The following NFAT5 variants were observed in gnomAD, a reference collection of about 807,000 sequenced individuals.
NFAT5 encodes nuclear factor of activated T-cells 5.
Under a neutral mutation model 166.5 loss-of-function variants are expected in NFAT5, and 31 were observed. That is an observed-to-expected ratio of 0.19 (90% CI 0.14 to 0.25). NFAT5 has a LOEUF of 0.25. Among genes scored for constraint, NFAT5 ranks in the 10% least tolerant of loss-of-function variants. The probability of loss-of-function intolerance (pLI) is 1.00; values close to 1 mark genes in which losing one functional copy is unlikely to be tolerated. For missense variants in NFAT5, 1,449 were observed against 1,821.8 expected (o/e 0.80, Z 3.72); for synonymous variants, 612 against 639.7 (o/e 0.96, Z 0.65).
intron 2 of NFAT5, among the ~76,000 whole-genome samples, chr16:69,596,637 G>C (rs1463389109): frequency 1.3e-5 from 2 of 151,036 alleles, no homozygotes; most frequent in Non-Finnish European, 1.5e-5. Flanking sequence ...AGAATCGCTT[G>C]AACCCGGGAG....
chr16:69,595,866 C>A (rs1031533317), intron 2 of NFAT5, among the ~76,000 whole-genome samples: 3 of 152,024 alleles, frequency 2.0e-5, no homozygotes, highest in Admixed American at 6.6e-5. Context: ...TCTGATAATC[C>A]ATATGGTTAC....
intron 4 of NFAT5, chr16:69,649,548 G>T (rs1168072359): frequency 2.0e-6 from 2 of 984,074 alleles, no homozygotes; most frequent in Non-Finnish European, 2.4e-6. Context: ...TCAAGCAGAA[G>T]AAATGTCCAG....
intron 9 of NFAT5, among the ~76,000 whole-genome samples, chr16:69,674,912 C>T (rs953110067): frequency 5.3e-5 from 8 of 152,172 alleles, no homozygotes; most frequent in African/African-American, 1.7e-4. Context: ...TCCCAAAGAG[C>T]ATTATACCTG....
In NFAT5 at chr16:69,697,954, T is replaced by G. The variant is rs202129734; in HGVS notation, c.*1603T>G. Reference sequence around the variant, plus strand: ...CTTTTCTGTTCTTTTTTTTTTTTTTTTTCTATCCTGTACATTTAGTTGAAC... The same window carrying G: ...CTTTTCTGTTCTTTTTTTTTTTTTTGTTCTATCCTGTACATTTAGTTGAAC... On this transcript the variant is annotated 3_prime_UTR_variant, in exon 15 of 15. Coordinates refer to ENST00000349945, the MANE Select transcript of NFAT5 (RefSeq NM_138713.4). 6.6e-6 allele frequency: 1 copy of G among 151,902 alleles called. No individual in the cohort carries two copies. Among genetic ancestry groups the G allele is most frequent in the Non-Finnish European group, 1.5e-5 (1 of 67,934 alleles). The allele number at this position is 151,902 out of a possible 1,614,324, so 9.4% of individuals were successfully genotyped here.
intron 14 of NFAT5, chr16:69,695,749 T>C (rs941631142): frequency 1.8e-5 from 3 of 165,642 alleles, no homozygotes; most frequent in Non-Finnish European, 3.9e-5. Flanking sequence ...TCCAAAATGC[T>C]CTGAAATCCG....
intron 3 of NFAT5, chr16:69,632,357 T>C (rs2034756939): frequency 6.6e-6 from 1 of 152,202 alleles, no homozygotes; most frequent in Non-Finnish European, 1.5e-5. Flanking sequence ...CTCTCTTTTT[T>C]CTTTTACCTA....
At position 69,649,133 on chromosome 16, in the gene NFAT5, TATAAA is replaced by T. The variant is rs753103487; in HGVS notation, c.812+1552_812+1556del. The T allele has an allele frequency of 2.8e-5, 25 of 885,940 alleles. No individual in the cohort carries two copies. In the South Asian group the frequency reaches 1.2e-3, roughly 42 times the overall value. The allele number at this position is 885,940 out of a possible 1,614,324, so 54.9% of individuals were successfully genotyped here. A position where few individuals can be genotyped will look rare whatever the true frequency, so the allele number is the denominator to read the frequency against. On this transcript the variant is annotated intron_variant, in intron 4 of 14. Coordinates refer to ENST00000349945, the MANE Select transcript of NFAT5 (RefSeq NM_138713.4). The stretch of plus-strand genomic sequence containing the variant: ...ACATAATATTTGTAGAACTATTACT[TATAAA>T]ATAAGGCTCTGAAATGTAATGAATA...
intron 2 of NFAT5, among the ~76,000 whole-genome samples, chr16:69,603,214 G>A (rs1247127073): frequency 2.0e-5 from 3 of 151,962 alleles, no homozygotes; most frequent in Non-Finnish European, 4.4e-5. Context: ...AAAAATTTCT[G>A]AATTTTTATG....
At position 69,692,749 on chromosome 16, in the gene NFAT5, C is replaced by G; in HGVS notation, c.2924C>G (p.Ser975Cys). Residue 975 changes from serine (S) to cysteine (C), a missense_variant, in exon 13 of 15, where the codon TCT becomes TGT. Transcript: ENST00000349945. ...DMQMQCELFS[S>C]PPAVSGNETS... is the part of the protein sequence containing the mutation. ...CAAATGCAGTGTGAATTGTTTTCTT[C>G]TCCTCCTGCAGTTTCTGGAAATGAA... 3 of 1,614,216 alleles carry G rather than the reference C, an allele frequency of 1.9e-6. No homozygotes were observed. Among genetic ancestry groups the G allele is most frequent in the Non-Finnish European group, 2.5e-6 (3 of 1,180,040 alleles).
At position 69,692,443 on chromosome 16, in the gene NFAT5, C is replaced by G; in HGVS notation, c.2618C>G (p.Thr873Ser). ...MFSSTEPTVH[T>S]RPDNLLPGRA... ...TCCTCAACAGAGCCAACAGTCCATA[C>G]CAGACCAGATAATTTATTACCTGGA... The change falls in exon 13 of 15, where the codon ACC becomes AGC. Residue 873 changes from threonine to serine, a missense_variant. Thr to Ser is a moderately conservative substitution (Grantham distance 58, BLOSUM62 1). This residue lies in a region of NFAT5 where 891 missense variants were observed against 993.0 expected (regional missense o/e 0.90). Coordinates refer to ENST00000349945, the MANE Select transcript of NFAT5 (RefSeq NM_138713.4). 1.2e-6 allele frequency: 2 copies of G among 1,614,218 alleles called. No individual in the cohort carries two copies. The highest frequency in any genetic ancestry group is 1.7e-6 in the Non-Finnish European group (2 of 1,180,038).
chr16:69,695,894 C>A (rs1011505807), intron 14 of NFAT5, among the ~76,000 whole-genome samples: 1 of 152,136 alleles, frequency 6.6e-6, no homozygotes, highest in African/African-American at 2.4e-5. Context: ...AAGATCCTTC[C>A]AGCTCCCTTC....
chr16:69,674,546 A>G (rs2036757613), intron 9 of NFAT5, among the ~76,000 whole-genome samples: 1 of 152,130 alleles, frequency 6.6e-6, no homozygotes, highest in South Asian at 2.1e-4. Context: ...GTGGAAAGAA[A>G]ATTCTTGAAA....
chr16:69,594,731 T>G (rs931185408), intron 2 of NFAT5, among the ~76,000 whole-genome samples: 4 of 152,164 alleles, frequency 2.6e-5, no homozygotes, highest in African/African-American at 9.7e-5. Flanking sequence ...AACTATTGTA[T>G]TGTCAGGGTT....
intron 4 of NFAT5, chr16:69,649,308 A>G: frequency 7.2e-6 from 7 of 966,718 alleles, no homozygotes; most frequent in South Asian, 4.8e-5. Context: ...TTTCATTTTT[A>G]TATCAAAATG....
At chr16:69,679,913 TC>T (rs2036987346) in intron 10 of NFAT5, among the ~76,000 whole-genome samples, 1 of 151,946 alleles carries the variant, frequency 6.6e-6, no homozygotes, top group African/African-American at 2.4e-5. Flanking sequence ...GGTCAGGAGA[TC>T]AGGACCATCC....
chr16:69,594,472 C>G (rs537050988), intron 2 of NFAT5, among the ~76,000 whole-genome samples: 29 of 152,250 alleles, frequency 1.9e-4, no homozygotes, highest in Non-Finnish European at 2.6e-4. Context: ...TATGGAAACC[C>G]AAATGTCCCA....
intron 2 of NFAT5, among the ~76,000 whole-genome samples, chr16:69,609,819 G>GAAAAAAAAAAAAA (rs1157655325): frequency 1.3e-5 from 1 of 75,318 alleles, no homozygotes; most frequent in African/African-American, 4.4e-5. Flanking sequence ...TGTCTCTACT[G>GAAAAAAAAAAAAA]AAAAAAAAAA....
intron 11 of NFAT5, among the ~76,000 whole-genome samples, chr16:69,689,750 G>A (rs1175993688): frequency 3.3e-5 from 5 of 152,106 alleles, no homozygotes; most frequent in Non-Finnish European, 7.4e-5. Flanking sequence ...TCACCATGTT[G>A]GCCAGGCTGG....
intron 2 of NFAT5, among the ~76,000 whole-genome samples, chr16:69,623,493 A>AATT (rs1201338648): frequency 1.1e-4 from 17 of 151,556 alleles, no homozygotes; most frequent in South Asian, 8.4e-4. Flanking sequence ...ACACCCAGCT[A>AATT]ATTATTATTA....
Sources: gnomAD v4.1 joint callset for allele counts (sites outside exome capture counted in the v4.1 genomes callset) on GRCh38, gnomAD v4.1.1 for gene constraint, gnomAD v4.1.1 regional missense constraint, MANE v1.5 for transcripts, NCBI Gene and HGNC (gene_info 2026-07-23, HGNC 2026-07-21) for gene names.